The following ADCY8 variants were observed in gnomAD, a reference collection of about 807,000 sequenced individuals.
ADCY8 encodes the protein adenylate cyclase 8.
ADCY8 carries 51 observed loss-of-function variants against 119.7 expected under a neutral mutation model. The observed-to-expected ratio is 0.43, with a 90% CI of 0.34 to 0.54. The LOEUF (loss-of-function observed/expected upper bound fraction) is 0.54. Ranked by LOEUF, ADCY8 falls within the 20% of genes least tolerant of loss-of-function variation. The pLI, the probability that ADCY8 is intolerant of heterozygous loss-of-function variation, is 0.03. For missense variants in ADCY8, 1,383 were observed against 1,598.8 expected, an observed-to-expected ratio of 0.87 and a Z score of 2.30; for synonymous variants, 665 against 651.0, an observed-to-expected ratio of 1.02 and a Z score of -0.33.
chr8:130,785,323 G>T, intron 16 of ADCY8, 60 bp downstream of exon 16: 2 of 1,230,494 alleles, frequency 1.6e-6, no homozygotes, highest in Non-Finnish European at 2.3e-6. Context: ...ACCACCGTCG[G>T]TGACATGACA....
At chr8:130,827,545 C>T (rs1292128351) in intron 12 of ADCY8, among the ~76,000 whole-genome samples, 1 of 152,206 alleles carries the variant, frequency 6.6e-6, no homozygotes, top group East Asian at 1.9e-4. Flanking sequence ...TGCTGCTGGC[C>T]AGTCTTTTCT....
In ADCY8 at chr8:131,040,473, G is replaced by C. The variant is rs1248591884; in HGVS notation, c.-140C>G. 4.7e-6 allele frequency: 5 copies of C among 1,073,586 alleles called. No homozygotes were observed. The highest frequency in any genetic ancestry group is 6.2e-6 in the Non-Finnish European group (5 of 810,824). The allele number at this position is 1,073,586 out of a possible 1,614,324, so 66.5% of individuals were successfully genotyped here. ...GGCTGCCCCGTTGCAGGAGCCCTGC[G>C]CTAGGGCTCCCTGTAGGTCGGGTCA... On this transcript the variant is annotated 5_prime_UTR_variant, in exon 1 of 18. Coordinates refer to ENST00000286355, the MANE Select transcript of ADCY8 (RefSeq NM_001115.3).
Position 131,040,514 on chromosome 8 carries a change from C to T in ADCY8, c.-181G>A. ...GGTCGGGTCATACTGTGCCCAGGGG[C>T]AAAGGGCACCTGGAAGATCGCGGCG... On this transcript the variant is annotated 5_prime_UTR_variant, in exon 1 of 18. Transcript: ENST00000286355. The T allele has an allele frequency of 1.6e-6, 1 of 608,566 alleles. No homozygotes were observed. Among genetic ancestry groups the T allele is most frequent in the Non-Finnish European group, 2.4e-6 (1 of 413,134 alleles). 37.7% of individuals were successfully genotyped at this position (608,566 alleles called of 1,614,324 possible).
rs751293197 is a variant in ADCY8, at chr8:130,814,109, T to A, written c.2873A>T (p.His958Leu). 2.5e-6 allele frequency: 4 copies of A among 1,614,122 alleles called. No homozygotes were observed. In the Admixed American group the frequency reaches 6.7e-5, roughly 27 times the overall value. ...CTTCTCTAGGAAATGGCGGGCCACA[T>A]GGCTGGGTAAGATATTCCGGAGCAT... ...ENMLRNILPS[H>L]VARHFLEKDR... is the part of the protein sequence containing the mutation. Residue 958 changes from histidine (H) to leucine (L), a missense_variant, in exon 14 of 18, where the codon CAT becomes CTT. By Grantham distance (99) the His-to-Leu change is moderately conservative. Transcript: ENST00000286355.
chr8:130,975,527 A>T (rs1217979869), intron 2 of ADCY8, among the ~76,000 whole-genome samples: 1 of 152,218 alleles, frequency 6.6e-6, no homozygotes, highest in African/African-American at 2.4e-5. Flanking sequence ...ACTAAGAGTG[A>T]CACGGGGGAT....
At chr8:130,941,374 C>G (rs989588310) in intron 4 of ADCY8, among the ~76,000 whole-genome samples, 6 of 152,106 alleles carry the variant, frequency 3.9e-5, no homozygotes, top group Admixed American at 1.3e-4. Flanking sequence ...GAAAAAGTAC[C>G]CTTTCTCTTT....
chr8:130,946,121 A>C (rs1229303173), intron 3 of ADCY8, among the ~76,000 whole-genome samples: 1 of 152,236 alleles, frequency 6.6e-6, no homozygotes, highest in Admixed American at 6.5e-5. Context: ...CAAAGCTACT[A>C]GTATCCATCT....
At chr8:131,007,152 T>TA (rs1164866575) in intron 1 of ADCY8, among the ~76,000 whole-genome samples, 3 of 152,130 alleles carry the variant, frequency 2.0e-5, no homozygotes, top group African/African-American at 7.2e-5. Context: ...CTCTTTTAGT[T>TA]AAAAAAAGCA....
intron 5 of ADCY8, among the ~76,000 whole-genome samples, chr8:130,936,504 A>G (rs2130622970): frequency 6.6e-6 from 1 of 152,242 alleles, no homozygotes; most frequent in South Asian, 2.1e-4. Context: ...GCTTCACAGT[A>G]GCCATTGCAG....
intron 14 of ADCY8, among the ~76,000 whole-genome samples, chr8:130,802,496 T>C (rs1250085938): frequency 6.6e-6 from 1 of 152,176 alleles, no homozygotes; most frequent in African/African-American, 2.4e-5. Context: ...CTATTGACCA[T>C]GCCTCTCCCT....
chr8:130,884,845 G>T, intron 7 of ADCY8, 84 bp from the exon 8 acceptor site: 1 of 1,310,464 alleles, frequency 7.6e-7, no homozygotes, highest in Non-Finnish European at 1.1e-6. Flanking sequence ...AAATCATGTT[G>T]CATTGCAAAC....
At chr8:131,036,444 T>C (rs1824157320) in intron 1 of ADCY8, among the ~76,000 whole-genome samples, 1 of 152,176 alleles carries the variant, frequency 6.6e-6, no homozygotes, top group Non-Finnish European at 1.5e-5. Flanking sequence ...ATTTCCTATA[T>C]GATGAATTGT....
chr8:130,835,158 T>C (rs893700998), intron 12 of ADCY8, among the ~76,000 whole-genome samples: 6 of 152,194 alleles, frequency 3.9e-5, no homozygotes, highest in African/African-American at 1.4e-4. Context: ...CCTGTGTGCT[T>C]CCAATACCTG....
chr8:130,896,149 A>G (rs1174600844), intron 7 of ADCY8, among the ~76,000 whole-genome samples: 3 of 152,036 alleles, frequency 2.0e-5, no homozygotes, highest in Non-Finnish European at 4.4e-5. Flanking sequence ...TCCCTCATCT[A>G]CTACTCTACT....
At position 130,905,669 on chromosome 8, in the gene ADCY8, G is replaced by T. The variant is rs1819759827; in HGVS notation, c.1641-1627C>A. ...AGCTCAGGAGTTTGAGACCAGCCTG[G>T]GCAACATGACAAAACACCATCTCTA... On this transcript the variant is annotated intron_variant, in intron 6 of 17. Transcript: ENST00000286355. 2.0e-5 allele frequency among the ~76,000 whole-genome samples: 3 copies of T among 152,188 alleles called. No homozygotes were observed. In the South Asian group the frequency reaches 6.2e-4, roughly 32 times the overall value.
chr8:130,904,048 T>C lies in ADCY8; in HGVS notation c.1641-6A>G. 1.2e-6 allele frequency: 2 copies of C among 1,609,964 alleles called. No individual in the cohort carries two copies. The highest frequency in any genetic ancestry group is 8.5e-7 in the Non-Finnish European group (1 of 1,177,306). On this transcript the variant is annotated splice_region_variant and splice_polypyrimidine_tract_variant and intron_variant, in intron 6 of 17. Coordinates refer to ENST00000286355, the MANE Select transcript of ADCY8 (RefSeq NM_001115.3). ...CTTTGGAAATGTGAATCCTCCTGTG[T>C]GTAGAAGGCATAGGTCATTACACAC...
intron 1 of ADCY8, among the ~76,000 whole-genome samples, chr8:131,013,845 T>C (rs1436297420): frequency 6.6e-6 from 1 of 152,182 alleles, no homozygotes; most frequent in African/African-American, 2.4e-5. Flanking sequence ...AGTTGGAACA[T>C]TTTCCCAAGT....
At chr8:130,987,246 T>A (rs890607685) in intron 2 of ADCY8, among the ~76,000 whole-genome samples, 5 of 152,178 alleles carry the variant, frequency 3.3e-5, no homozygotes, top group Admixed American at 3.3e-4. Context: ...ACATGTCAGC[T>A]CAGGTAAAAT....
intron 1 of ADCY8, among the ~76,000 whole-genome samples, chr8:131,001,975 G>A (rs1822964150): frequency 1.3e-5 from 2 of 152,182 alleles, no homozygotes; most frequent in South Asian, 4.1e-4. Context: ...CAGGGGGACT[G>A]TAGGAAGTCC....
Sources: allele counts gnomAD v4.1 joint callset (sites outside exome capture counted in the v4.1 genomes callset), GRCh38; gene constraint gnomAD v4.1.1; transcripts MANE v1.5; gene names NCBI Gene and HGNC (gene_info 2026-07-23, HGNC 2026-07-21).